KATNAL2: variants seen among roughly 807,000 people sequenced by gnomAD.
KATNAL2 encodes the protein katanin p60 ATPase-containing subunit A-like 2.
Under a neutral mutation model 76.3 loss-of-function variants are expected in KATNAL2, and 52 were observed. The observed-to-expected ratio is 0.68, with a 90% CI of 0.55 to 0.86. The LOEUF (loss-of-function observed/expected upper bound fraction) is 0.86, where lower values mean the gene tolerates loss of function less well. KATNAL2 is among the 40% of genes least tolerant of loss of function. The pLI is 0.00. For synonymous variants in KATNAL2, 243 were observed against 244.2 expected, an observed-to-expected ratio of 1.00 and a Z score of 0.05; for missense variants, 660 against 668.9, an observed-to-expected ratio of 0.99 and a Z score of 0.15.
intron 1 of KATNAL2, among the ~76,000 whole-genome samples, chr18:46,944,717 A>C (rs1440223465): frequency 6.6e-6 from 1 of 152,252 alleles, no homozygotes; most frequent in East Asian, 1.9e-4. Context: ...GCTGAGCAAC[A>C]GAGCGAGACT....
At chr18:46,923,981 T>C (rs1047627212) in intron 1 of KATNAL2, among the ~76,000 whole-genome samples, 3 of 152,214 alleles carry the variant, frequency 2.0e-5, no homozygotes, top group Admixed American at 6.5e-5. Flanking sequence ...ATTAGCCCTT[T>C]GTTGGATGAG....
At chr18:46,920,301 G>A (rs1428126944) in intron 1 of KATNAL2, 3 of 330,454 alleles carry the variant, frequency 9.1e-6, no homozygotes, top group East Asian at 7.6e-5. Flanking sequence ...GTGGACCCGT[G>A]CCCTAAGGTA....
chr18:47,058,447 C>A (rs140002180), intron 7 of KATNAL2, 95 bp downstream of exon 7: 1 of 724,976 alleles, frequency 1.4e-6, no homozygotes, highest in Non-Finnish European at 2.4e-6. Flanking sequence ...TGAGGACCTA[C>A]GCTTTTAAAA....
chr18:47,069,452 C>T (rs762842301), intron 12 of KATNAL2, 30 bp from the exon 13 acceptor site: 18 of 1,539,384 alleles, frequency 1.2e-5, no homozygotes, highest in Non-Finnish European at 1.5e-5. Flanking sequence ...AGTTGAAATG[C>T]CTGCTCATCT....
At chr18:47,055,285 A>G (rs1185874106) in intron 6 of KATNAL2, among the ~76,000 whole-genome samples, 1 of 152,194 alleles carries the variant, frequency 6.6e-6, no homozygotes, top group Non-Finnish European at 1.5e-5. Context: ...AACCTCATGG[A>G]AAGACACAGC....
intron 5 of KATNAL2, among the ~76,000 whole-genome samples, 176 bp downstream of exon 5, chr18:47,053,222 A>C (rs932946547): frequency 6.6e-5 from 10 of 152,320 alleles, no homozygotes; most frequent in African/African-American, 2.4e-4. Context: ...TTACCTGGAC[A>C]CTGATATCCC....
At chr18:47,031,322 A>T (rs999202170) in intron 3 of KATNAL2, among the ~76,000 whole-genome samples, 1 of 151,932 alleles carries the variant, frequency 6.6e-6, no homozygotes, top group African/African-American at 2.4e-5. Flanking sequence ...AAACAGATCC[A>T]TTTGAAATAT....
intron 1 of KATNAL2, chr18:46,920,042 G>A: frequency 2.3e-6 from 3 of 1,287,988 alleles, no homozygotes; most frequent in African/African-American, 1.5e-5. Flanking sequence ...GAAAAGCAAA[G>A]CCCCACTGAA....
intron 1 of KATNAL2, among the ~76,000 whole-genome samples, chr18:46,940,900 C>CT (rs2059227502): frequency 6.6e-6 from 1 of 152,022 alleles, no homozygotes; most frequent in South Asian, 2.1e-4. Flanking sequence ...TGGCATACTC[C>CT]TATAGTCCCA....
At chr18:46,932,757 A>T (rs2058970899) in intron 1 of KATNAL2, among the ~76,000 whole-genome samples, 1 of 145,792 alleles carries the variant, frequency 6.9e-6, no homozygotes, top group Non-Finnish European at 1.5e-5. Flanking sequence ...AGGCAAAGGT[A>T]GTTTTTTTGT....
chr18:47,040,917 A>T (rs182826918), intron 3 of KATNAL2, among the ~76,000 whole-genome samples: 1 of 152,370 alleles, frequency 6.6e-6, no homozygotes, highest in East Asian at 1.9e-4. Flanking sequence ...ATTGAATACA[A>T]TTTTATAATA....
intron 10 of KATNAL2, 133 bp from the exon 11 acceptor site, chr18:47,066,888 T>TATATATATATAC (rs11281082): frequency 1.6e-4 from 12 of 75,840 alleles, no homozygotes; most frequent in African/African-American, 5.3e-4. Context: ...TATATATATA[T>TATATATATATAC]ATATAATATG....
chr18:47,041,169 T>G (rs960226529), intron 3 of KATNAL2, among the ~76,000 whole-genome samples: 1 of 152,164 alleles, frequency 6.6e-6, no homozygotes, highest in South Asian at 2.1e-4. Context: ...CAAAATACAG[T>G]GGTATGTTGT....
intron 3 of KATNAL2, chr18:47,035,378 C>T (rs1569058049): frequency 3.1e-5 from 48 of 1,550,362 alleles, no homozygotes; most frequent in Non-Finnish European, 4.1e-5. Context: ...CAGGCAGCGA[C>T]CTCGGGATGT....
intron 3 of KATNAL2, among the ~76,000 whole-genome samples, chr18:47,043,399 C>G (rs1349272596): frequency 2.0e-5 from 3 of 152,104 alleles, no homozygotes; most frequent in Non-Finnish European, 4.4e-5. Flanking sequence ...CTCCCATACA[C>G]CTTTACTCAA....
intron 3 of KATNAL2, among the ~76,000 whole-genome samples, chr18:46,965,581 G>GCCA (rs2060096610): frequency 2.6e-4 from 19 of 73,896 alleles, no homozygotes; most frequent in South Asian, 4.0e-4. Context: ...TAGCATCCCC[G>GCCA]CCCCCCCCCC....
rs187687595 is a variant in KATNAL2 at position 47,062,915 on chromosome 18, T to C, written c.550-57T>C. On this transcript the variant is annotated intron_variant, in intron 8 of 17. Coordinates refer to ENST00000683218, the MANE Select transcript of KATNAL2 (RefSeq NM_001387690.1). The stretch of plus-strand genomic sequence containing the variant: ...GTCTTGGTTTAATGAAACTGAGTTA[T>C]TAAGAAGAGTCTTCTCTTATGTTCT... 6 of 1,372,640 alleles carry C rather than the reference T, an allele frequency of 4.4e-6. No individual in the cohort carries two copies. In the Admixed American group the frequency reaches 5.2e-5, roughly 12 times the overall value. 85.0% of individuals were successfully genotyped at this position (1,372,640 alleles called of 1,614,324 possible).
At position 46,948,152 on chromosome 18, in the gene KATNAL2, C is replaced by T. The variant is rs184058235; in HGVS notation, c.51+1229C>T. 2.4e-4 allele frequency among the ~76,000 whole-genome samples: 37 copies of T among 152,232 alleles called. 1 individual carries two copies. Among genetic ancestry groups the T allele is most frequent in the Admixed American group, 2.0e-3 (30 of 15,286 alleles). ...TGGAGACAGAGTCTTGCTCTGTCGC[C>T]CAGGCTGGAGTGCAGTGGCATGATC... On this transcript the variant is annotated intron_variant, in intron 3 of 17. Coordinates refer to ENST00000683218, the MANE Select transcript of KATNAL2 (RefSeq NM_001387690.1).
At chr18:47,075,534 C>T (rs141098882) in intron 14 of KATNAL2, among the ~76,000 whole-genome samples, 166 bp downstream of exon 14, 2 of 152,358 alleles carry the variant, frequency 1.3e-5, no homozygotes, top group East Asian at 3.9e-4. Flanking sequence ...AAATTAGATC[C>T]TGTTAACTGA....
Sources: gnomAD v4.1 joint callset for allele counts (sites outside exome capture counted in the v4.1 genomes callset) on GRCh38, gnomAD v4.1.1 for gene constraint, MANE v1.5 for transcripts, NCBI Gene and HGNC (gene_info 2026-07-23, HGNC 2026-07-21) for gene names.